The following GALNT13 variants were observed in gnomAD, a reference collection of about 807,000 sequenced individuals.
GALNT13 encodes polypeptide N-acetylgalactosaminyltransferase 13.
A neutral mutation model predicts 64.2 loss-of-function variants in GALNT13; 28 were observed. The ratio of observed to expected loss-of-function variants is 0.44; its 90% confidence interval spans 0.32 to 0.60. The LOEUF (loss-of-function observed/expected upper bound fraction) is 0.60. Ranked by LOEUF, GALNT13 falls within the 20% of genes least tolerant of loss-of-function variation. The pLI is 0.05. For synonymous variants in GALNT13, 214 were observed against 224.6 expected (o/e 0.95, Z 0.42); for missense variants, 577 against 669.8 (o/e 0.86, Z 1.53).
the GALNT13 span, among the ~76,000 whole-genome samples, chr2:153,270,810 C>T: frequency 8.5e-5 from 13 of 152,070 alleles, no homozygotes; most frequent in Admixed American, 2.0e-4. Flanking sequence ...TGAGATGGTG[C>T]CACTGCACTC....
At chr2:153,811,415 C>T in the GALNT13 span, among the ~76,000 whole-genome samples, 1 of 152,176 alleles carries the variant, frequency 6.6e-6, no homozygotes, top group Non-Finnish European at 1.5e-5. Context: ...GAAACTGAAT[C>T]AAATTTAAAG....
chr2:153,280,854 G>A, the GALNT13 span, among the ~76,000 whole-genome samples: 1 of 152,180 alleles, frequency 6.6e-6, no homozygotes, highest in African/African-American at 2.4e-5. Flanking sequence ...GATGGATGGA[G>A]TATTCTGCAG....
chr2:153,658,356 C>T, the GALNT13 span, among the ~76,000 whole-genome samples: 1 of 152,084 alleles, frequency 6.6e-6, no homozygotes, highest in East Asian at 1.9e-4. Context: ...TATTCACTTC[C>T]ATGGCACTGA....
At chr2:153,539,580 G>T in the GALNT13 span, among the ~76,000 whole-genome samples, 3 of 151,840 alleles carry the variant, frequency 2.0e-5, no homozygotes, top group African/African-American at 2.4e-5. Context: ...TAAAGTGTAA[G>T]GAAGGGATCC....
the GALNT13 span, among the ~76,000 whole-genome samples, chr2:153,637,412 C>CT: frequency 6.6e-5 from 10 of 152,060 alleles, 1 homozygote; most frequent in Admixed American, 3.3e-4. Flanking sequence ...CTTTTCCTGC[C>CT]TTTTTTTGTT....
At position 154,256,254 on chromosome 2, in the gene GALNT13, A is replaced by T. The variant is rs189286299; in HGVS notation, c.858-2767A>T. On this transcript the variant is annotated intron_variant, in intron 7 of 12. Coordinates refer to ENST00000392825, the MANE Select transcript of GALNT13 (RefSeq NM_052917.4). ...TAGATTCACCCAAGCACCAAAATTTAAAAAAAAAAGCGAGAGAGATAATTG... is the reference window on the plus strand; with the variant it reads ...TAGATTCACCCAAGCACCAAAATTTTAAAAAAAAAGCGAGAGAGATAATTG... Among the ~76,000 whole-genome samples the T allele has an allele frequency of 3.5e-3, 382 of 108,368 alleles. 2 individuals are homozygous for T. The highest frequency in any genetic ancestry group is 0.013 in the African/African-American group (347 of 27,592). 71.1% of individuals were successfully genotyped at this position (108,368 alleles called of 152,430 possible).
chr2:153,626,095 T>G, the GALNT13 span, among the ~76,000 whole-genome samples: 7 of 152,268 alleles, frequency 4.6e-5, no homozygotes, highest in East Asian at 1.4e-3. Flanking sequence ...TAAGAGACAC[T>G]ACCTTAACTG....
chr2:153,705,144 C>T, the GALNT13 span, among the ~76,000 whole-genome samples: 1 of 152,042 alleles, frequency 6.6e-6, no homozygotes, highest in South Asian at 2.1e-4. Flanking sequence ...GTACCATATA[C>T]ATAATGCAGA....
chr2:153,690,740 T>G, the GALNT13 span, among the ~76,000 whole-genome samples: 12 of 152,164 alleles, frequency 7.9e-5, no homozygotes, highest in Admixed American at 3.9e-4. Context: ...CTCATGGTGT[T>G]GTGGTGAATG....
chr2:154,403,451 G>A (rs972218743), intron 10 of GALNT13, among the ~76,000 whole-genome samples: 3 of 149,240 alleles, frequency 2.0e-5, no homozygotes, highest in African/African-American at 4.9e-5. Flanking sequence ...GCTGGACTCC[G>A]TCTCAAAAAA....
the GALNT13 span, among the ~76,000 whole-genome samples, chr2:153,334,900 C>G: frequency 1.2e-4 from 19 of 152,232 alleles, no homozygotes; most frequent in Non-Finnish European, 2.4e-4. Context: ...CCACCCAAAT[C>G]TCAACTTAAA....
At chr2:154,211,523 G>A (rs1053252871) in intron 4 of GALNT13, among the ~76,000 whole-genome samples, 2 of 150,676 alleles carry the variant, frequency 1.3e-5, no homozygotes, top group South Asian at 2.1e-4. Flanking sequence ...AGCTACTTGG[G>A]AGGCTGAGTC....
the GALNT13 span, among the ~76,000 whole-genome samples, chr2:153,283,838 C>T: frequency 6.6e-6 from 1 of 151,452 alleles, no homozygotes; most frequent in Admixed American, 6.6e-5. Flanking sequence ...CCCTGGAAAC[C>T]CCCTGCTGCA....
chr2:153,519,475 C>T, the GALNT13 span, among the ~76,000 whole-genome samples: 63 of 152,302 alleles, frequency 4.1e-4, no homozygotes, highest in Non-Finnish European at 7.9e-4. Flanking sequence ...GCAGCGCCAC[C>T]TGCTGGTCAG....
At chr2:153,696,289 AG>A in the GALNT13 span, among the ~76,000 whole-genome samples, 1 of 152,202 alleles carries the variant, frequency 6.6e-6, no homozygotes, top group Non-Finnish European at 1.5e-5. Context: ...GATGAAGGCC[AG>A]AAGACTTAGC....
At chr2:153,867,920 T>C (rs1206155962), upstream of GALNT13, among the ~76,000 whole-genome samples, 1 of 152,152 alleles carries the variant, frequency 6.6e-6, no homozygotes, top group Non-Finnish European at 1.5e-5. Context: ...GAAGCTTCAC[T>C]GGCTCACCCA....
chr2:153,994,141 C>T (rs1695356028), intron 3 of GALNT13, among the ~76,000 whole-genome samples: 1 of 152,136 alleles, frequency 6.6e-6, no homozygotes, highest in African/African-American at 2.4e-5. Flanking sequence ...GTTCAATTCT[C>T]ACCTATGAGT....
the GALNT13 span, among the ~76,000 whole-genome samples, chr2:153,299,923 C>A: frequency 3.3e-5 from 5 of 152,160 alleles, no homozygotes; most frequent in African/African-American, 1.2e-4. Context: ...ATTTGCATTG[C>A]CTTATCACCC....
At chr2:154,101,861 A>T (rs1489244796) in intron 3 of GALNT13, among the ~76,000 whole-genome samples, 1 of 152,128 alleles carries the variant, frequency 6.6e-6, no homozygotes, top group Non-Finnish European at 1.5e-5. Context: ...ACTCATTTCA[A>T]AAGATGTTTT....
Sources: allele counts gnomAD v4.1 joint callset (sites outside exome capture counted in the v4.1 genomes callset), GRCh38; gene constraint gnomAD v4.1.1; transcripts MANE v1.5; gene names NCBI Gene and HGNC (gene_info 2026-07-23, HGNC 2026-07-21).